Variants in UBE2K observed in about 807,000 individuals in gnomAD.
UBE2K encodes ubiquitin-conjugating enzyme E2 K.
In UBE2K, 6 loss-of-function variants were observed where a neutral mutation model predicts 30.0. The observed-to-expected ratio is 0.20, with a 90% CI of 0.11 to 0.39. UBE2K has a LOEUF of 0.39. Ranked by LOEUF, UBE2K falls within the 10% of genes least tolerant of loss-of-function variation. The pLI, the probability that UBE2K is intolerant of heterozygous loss-of-function variation, is 1.00. For synonymous variants in UBE2K, 86 were observed against 83.7 expected (o/e 1.03, Z -0.15); for missense variants, 61 against 241.6 (o/e 0.25, Z 4.96).
chr4:39,713,144 G>A (rs531657136), intron 1 of UBE2K, among the ~76,000 whole-genome samples: 6 of 152,098 alleles, frequency 3.9e-5, no homozygotes, highest in East Asian at 1.9e-4. Context: ...GATTACAGGC[G>A]TGAGCCACCA....
intron 1 of UBE2K, among the ~76,000 whole-genome samples, chr4:39,704,947 C>T (rs567326074): frequency 3.6e-4 from 54 of 151,144 alleles, no homozygotes; most frequent in South Asian, 1.9e-3. Flanking sequence ...CTCGGCTCAC[C>T]GCAACCTCCG....
chr4:39,727,293 C>T (rs1350249130), intron 1 of UBE2K, among the ~76,000 whole-genome samples: 1 of 152,146 alleles, frequency 6.6e-6, no homozygotes, highest in Non-Finnish European at 1.5e-5. Flanking sequence ...GAGAGTAGGA[C>T]TTGATGTGAA....
intron 2 of UBE2K, among the ~76,000 whole-genome samples, chr4:39,740,128 T>C (rs56230856): frequency 6.6e-6 from 1 of 152,236 alleles, no homozygotes; most frequent in Non-Finnish European, 1.5e-5. Context: ...TTTTATATAA[T>C]AATATACTAG....
At chr4:39,704,423 C>CA (rs376833821) in intron 1 of UBE2K, among the ~76,000 whole-genome samples, 73 of 152,060 alleles carry the variant, frequency 4.8e-4, no homozygotes, top group African/African-American at 1.5e-3. Context: ...TAAAAAAAAT[C>CA]AAAGTCTGTG....
chr4:39,713,586 A>G (rs1718839810), intron 1 of UBE2K, among the ~76,000 whole-genome samples: 1 of 151,966 alleles, frequency 6.6e-6, no homozygotes, highest in African/African-American at 2.4e-5. Context: ...ATAACATAAA[A>G]TTTATCATTC....
At chr4:39,719,129 A>C (rs1429946884) in intron 1 of UBE2K, among the ~76,000 whole-genome samples, 1 of 152,212 alleles carries the variant, frequency 6.6e-6, no homozygotes, top group Non-Finnish European at 1.5e-5. Context: ...GCATTCCTAC[A>C]CATACCTCAG....
chr4:39,735,089 A>G (rs1431603238), intron 1 of UBE2K, among the ~76,000 whole-genome samples: 1 of 152,258 alleles, frequency 6.6e-6, no homozygotes, highest in Non-Finnish European at 1.5e-5. Flanking sequence ...TCCTGTAAGA[A>G]GCCTTAAGAG....
intron 1 of UBE2K, among the ~76,000 whole-genome samples, chr4:39,714,706 C>T (rs1013878898): frequency 6.7e-6 from 1 of 149,970 alleles, no homozygotes; most frequent in African/African-American, 2.5e-5. Flanking sequence ...GCCACTACCC[C>T]CAGTTAAATT....
chr4:39,762,936 C>CTTTTTTTTTTTTTT (rs869207095), intron 4 of UBE2K, among the ~76,000 whole-genome samples: 1 of 78,652 alleles, frequency 1.3e-5, no homozygotes, highest in Non-Finnish European at 2.3e-5. Flanking sequence ...CCAAAAAACA[C>CTTTTTTTTTTTTTT]TTTTTTTTTT....
At chr4:39,771,345 C>T (rs193173184) in intron 4 of UBE2K, 1,073 of 1,612,720 alleles carry the variant, frequency 6.7e-4, no homozygotes, top group Non-Finnish European at 8.3e-4. Context: ...CGTCGCAGAA[C>T]CACTCCTCTG....
chr4:39,757,679 TTAAG>T (rs1711583743), intron 4 of UBE2K, among the ~76,000 whole-genome samples: 1 of 152,236 alleles, frequency 6.6e-6, no homozygotes, highest in African/African-American at 2.4e-5. Context: ...ATTGAACTTC[TTAAG>T]TGTCAGTGTT....
rs532679596 is a variant in UBE2K at position 39,763,039 on chromosome 4, C to T, written c.299+7300C>T. 3.0e-5 allele frequency among the ~76,000 whole-genome samples: 4 copies of T among 131,248 alleles called. No homozygotes were observed. In the Admixed American group the frequency reaches 3.6e-4, roughly 12 times the overall value. 86.1% of individuals were successfully genotyped at this position (131,248 alleles called of 152,430 possible). A position where few individuals can be genotyped will look rare whatever the true frequency, so the allele number is the denominator to read the frequency against. Reference sequence around the variant, plus strand: ...AACCTCCACCTCCCGGGTTTAAGCACTTCTCGTGCCCTCATGCCTCAGCCT... The same window carrying T: ...AACCTCCACCTCCCGGGTTTAAGCATTTCTCGTGCCCTCATGCCTCAGCCT... On this transcript the variant is annotated intron_variant, in intron 4 of 6. Transcript: ENST00000261427.
intron 1 of UBE2K, among the ~76,000 whole-genome samples, chr4:39,735,091 C>A (rs1720304049): frequency 6.6e-6 from 1 of 152,140 alleles, no homozygotes. Context: ...CTGTAAGAAG[C>A]CTTAAGAGGA....
chr4:39,744,863 C>T (rs1431566071), intron 2 of UBE2K, among the ~76,000 whole-genome samples: 3 of 149,104 alleles, frequency 2.0e-5, no homozygotes, highest in Admixed American at 6.7e-5. Context: ...GCCGAGATCA[C>T]GCCACTGCAC....
chr4:39,755,384 C>T (rs558733934), intron 3 of UBE2K, among the ~76,000 whole-genome samples: 5 of 152,250 alleles, frequency 3.3e-5, no homozygotes, highest in Non-Finnish European at 7.4e-5. Context: ...ATAGCATCTA[C>T]CATTATTCTA....
intron 1 of UBE2K, among the ~76,000 whole-genome samples, chr4:39,713,361 T>C (rs1718825875): frequency 7.3e-6 from 1 of 137,680 alleles, no homozygotes; most frequent in Non-Finnish European, 1.5e-5. Flanking sequence ...GGGTTTCGCT[T>C]TGTTAGCCAG....
intron 4 of UBE2K, chr4:39,771,377 G>A (rs912729831): frequency 9.9e-6 from 16 of 1,612,582 alleles, no homozygotes; most frequent in Non-Finnish European, 1.4e-5. Flanking sequence ...TTCATGTTCC[G>A]TAGCGTAGCG....
chr4:39,778,001 G>C (rs1321245605), intron 6 of UBE2K, among the ~76,000 whole-genome samples, 191 bp downstream of exon 6: 1 of 149,248 alleles, frequency 6.7e-6, no homozygotes, highest in East Asian at 2.0e-4. Context: ...TGAAGGCTGA[G>C]GTGAGAGAAT....
At chr4:39,721,510 C>T (rs994050188) in intron 1 of UBE2K, among the ~76,000 whole-genome samples, 6 of 151,962 alleles carry the variant, frequency 3.9e-5, no homozygotes, top group Non-Finnish European at 7.4e-5. Context: ...CGTGCCACCA[C>T]GCCCTGCTAA....
Sources: allele counts gnomAD v4.1 joint callset (sites outside exome capture counted in the v4.1 genomes callset), GRCh38; gene constraint gnomAD v4.1.1; transcripts MANE v1.5; gene names NCBI Gene and HGNC (gene_info 2026-07-23, HGNC 2026-07-21).